Variants in ST18 observed in about 807,000 individuals in gnomAD.
The protein encoded by ST18 is suppression of tumorigenicity 18 protein.
In ST18, 50 loss-of-function variants were observed where a neutral mutation model predicts 110.0. The observed-to-expected ratio is 0.45, with a 90% CI of 0.36 to 0.58. The LOEUF is 0.58. ST18 is among the 20% of genes least tolerant of loss of function. ST18 has a pLI of 0.00. For missense variants in ST18, 1,306 were observed against 1,280.1 expected (o/e 1.02, Z -0.31); for synonymous variants, 461 against 452.4 (o/e 1.02, Z -0.24).
intron 21 of ST18, 124 bp from the exon 22 acceptor site, chr8:52,132,303 C>A: frequency 1.2e-6 from 1 of 801,890 alleles, no homozygotes; most frequent in Non-Finnish European, 1.9e-6. Flanking sequence ...AGCAAAACAG[C>A]ATTGCATAAA....
chr8:52,299,889 G>C (rs918089704), intron 2 of ST18, among the ~76,000 whole-genome samples: 4 of 152,200 alleles, frequency 2.6e-5, no homozygotes, highest in South Asian at 2.1e-4. Context: ...CCTCTCCTGA[G>C]GTGTAGCCCC....
Position 52,382,471 on chromosome 8 carries a change from T to G in ST18, c.-465+26857A>C, listed in dbSNP as rs189845357. 4.6e-5 allele frequency among the ~76,000 whole-genome samples: 7 copies of G among 152,384 alleles called. 1 individual carries two copies. The East Asian group carries it at 1.3e-3, about 29-fold the overall frequency. The stretch of plus-strand genomic sequence containing the variant: ...AAGCATGAAGCTCAAGGAAACATTT[T>G]TAGCTTAATCTTGAAGGCAAGTGAT... On this transcript the variant is annotated intron_variant, in intron 2 of 25. Transcript: ENST00000689386.
At chr8:52,215,271 A>C (rs2083731429) in intron 6 of ST18, among the ~76,000 whole-genome samples, 1 of 152,066 alleles carries the variant, frequency 6.6e-6, no homozygotes, top group Admixed American at 6.5e-5. Context: ...GCAATGATGG[A>C]CTTTAATTTC....
intron 2 of ST18, among the ~76,000 whole-genome samples, chr8:52,312,864 A>G (rs2095947190): frequency 6.6e-6 from 1 of 152,184 alleles, no homozygotes; most frequent in Non-Finnish European, 1.5e-5. Flanking sequence ...GACACAGTGC[A>G]GCATTTGTGT....
In ST18 at chr8:52,306,382, C is replaced by G. The variant is rs183029174; in HGVS notation, c.-464-76305G>C. Reference sequence around the variant, plus strand: ...AATCCTTAAGGGCAGGGATGTTTGTCTATTGTGTTCCTTGATAAGTAGAAC... The same window carrying G: ...AATCCTTAAGGGCAGGGATGTTTGTGTATTGTGTTCCTTGATAAGTAGAAC... On this transcript the variant is annotated intron_variant, in intron 2 of 25. Transcript: ENST00000689386. 1.2e-3 allele frequency among the ~76,000 whole-genome samples: 179 copies of G among 152,180 alleles called. 1 individual carries two copies. Among genetic ancestry groups the G allele is most frequent in the Non-Finnish European group, 2.5e-4 (17 of 68,008 alleles).
rs919213466 is a variant in ST18, at chr8:52,268,368, C to T, written c.-464-38291G>A. Among the ~76,000 whole-genome samples, 4 of 152,304 alleles carry T rather than the reference C, an allele frequency of 2.6e-5. No homozygotes were observed. In the South Asian group the frequency reaches 6.2e-4, roughly 24 times the overall value. On this transcript the variant is annotated intron_variant, in intron 2 of 25. Transcript: ENST00000689386. ...GACACACATGAAGGAAGAGCTCCTT[C>T]CCAACATTCAGCAGGCCTGGCTCAT...
chr8:52,388,383 G>T (rs1837733657), intron 2 of ST18, among the ~76,000 whole-genome samples: 1 of 151,704 alleles, frequency 6.6e-6, no homozygotes, highest in Admixed American at 6.6e-5. Context: ...CCTCCCACCC[G>T]CCTCCAACTC....
At chr8:52,196,463 C>T (rs569883649) in intron 8 of ST18, among the ~76,000 whole-genome samples, 7 of 152,264 alleles carry the variant, frequency 4.6e-5, no homozygotes, top group Non-Finnish European at 7.4e-5. Flanking sequence ...ACTGATGTCC[C>T]GTGTCTCTTC....
chr8:52,172,384 T>C lies in ST18; in HGVS notation c.477A>G (p.Ala159=). ...LNDSGIQSLK[A]ESDEADECFL... ...AGCACTCGTCTGCTTCATCGCTCTC[T>C]GCTTTTAAAGACTGGATGCCACTGT... The change falls in exon 10 of 26, where the codon GCA becomes GCG. Residue 159 remains alanine, a synonymous_variant. Transcript: ENST00000689386. The C allele has an allele frequency of 6.2e-7, 1 of 1,614,112 alleles. No individual in the cohort carries two copies. The highest frequency in any genetic ancestry group is 1.3e-5 in the African/African-American group (1 of 75,050).
intron 11 of ST18, 152 bp downstream of exon 11, chr8:52,166,700 A>G (rs1031285730): frequency 4.6e-6 from 5 of 1,075,600 alleles, no homozygotes; most frequent in Admixed American, 6.6e-5. Flanking sequence ...TAAATACACT[A>G]TATTTTAAAA....
intron 2 of ST18, among the ~76,000 whole-genome samples, chr8:52,244,734 T>G (rs760499187): frequency 6.6e-6 from 1 of 152,082 alleles, no homozygotes; most frequent in Non-Finnish European, 1.5e-5. Context: ...ACTTGAAAGG[T>G]TATGAGAGTT....
At chr8:52,314,975 C>A (rs1269620074) in intron 2 of ST18, among the ~76,000 whole-genome samples, 1 of 152,176 alleles carries the variant, frequency 6.6e-6, no homozygotes, top group Non-Finnish European at 1.5e-5. Context: ...AGGGCATGAA[C>A]CCTGGCCCCC....
chr8:52,130,124 A>AAAGAAAGAAAG (rs2048824123), intron 22 of ST18, among the ~76,000 whole-genome samples: 1 of 104,592 alleles, frequency 9.6e-6, no homozygotes, highest in African/African-American at 3.8e-5. Context: ...GAAAGAAAAG[A>AAAGAAAGAAAG]AAGAAAGAAA....
intron 2 of ST18, among the ~76,000 whole-genome samples, chr8:52,396,637 G>A (rs999101066): frequency 2.0e-5 from 3 of 152,102 alleles, no homozygotes; most frequent in Non-Finnish European, 4.4e-5. Flanking sequence ...TTTTCACAAG[G>A]TGGCAGGAGA....
intron 2 of ST18, among the ~76,000 whole-genome samples, chr8:52,274,295 A>C (rs2095167760): frequency 1.3e-5 from 2 of 152,206 alleles, no homozygotes; most frequent in Admixed American, 1.3e-4. Flanking sequence ...ACATCAAAAA[A>C]GGTTAACATA....
At chr8:52,289,088 C>A (rs546935856) in intron 2 of ST18, among the ~76,000 whole-genome samples, 4 of 152,326 alleles carry the variant, frequency 2.6e-5, no homozygotes, top group Middle Eastern at 3.4e-3. Context: ...TCCTCTGAAT[C>A]AAAGAATTCC....
At chr8:52,122,420 CAATTCTATTATATTTCAAACA>C (rs1368587508) in intron 23 of ST18, among the ~76,000 whole-genome samples, 2 of 151,890 alleles carry the variant, frequency 1.3e-5, no homozygotes, top group Non-Finnish European at 2.9e-5. Flanking sequence ...ACAAATGAAG[CAATTCTATTATATTTCAAACA>C]AATTCTATTA....
At chr8:52,297,718 C>A (rs1249181930) in intron 2 of ST18, among the ~76,000 whole-genome samples, 2 of 151,948 alleles carry the variant, frequency 1.3e-5, no homozygotes, top group African/African-American at 4.8e-5. Flanking sequence ...ATAACTAATT[C>A]CCAGATTAAA....
intron 8 of ST18, among the ~76,000 whole-genome samples, chr8:52,180,994 T>C (rs1333861205): frequency 6.6e-6 from 1 of 152,224 alleles, no homozygotes; most frequent in Non-Finnish European, 1.5e-5. Context: ...TTATCCTCAC[T>C]CCTGTTCTCA....
Sources: allele counts gnomAD v4.1 joint callset (sites outside exome capture counted in the v4.1 genomes callset), GRCh38; gene constraint gnomAD v4.1.1; transcripts MANE v1.5; gene names NCBI Gene and HGNC (gene_info 2026-07-23, HGNC 2026-07-21).